APBB2: variants seen among roughly 807,000 people sequenced by gnomAD.
APBB2 encodes the protein amyloid beta precursor protein binding family B member 2.
APBB2 carries 38 observed loss-of-function variants against 82.5 expected under a neutral mutation model. The observed-to-expected ratio is 0.46, with a 90% CI of 0.36 to 0.60. The LOEUF is 0.60. Among genes scored for constraint, APBB2 ranks in the 20% least tolerant of loss-of-function variants. The probability of loss-of-function intolerance (pLI) is 0.00; values close to 1 mark genes in which losing one functional copy is unlikely to be tolerated. For synonymous variants in APBB2, 341 were observed against 368.2 expected, an observed-to-expected ratio of 0.93 and a Z score of 0.85; for missense variants, 772 against 972.3, an observed-to-expected ratio of 0.79 and a Z score of 2.74.
intron 12 of APBB2, among the ~76,000 whole-genome samples, chr4:40,871,440 C>T (rs1052677636): frequency 3.3e-5 from 5 of 152,358 alleles, no homozygotes; most frequent in African/African-American, 9.6e-5. Flanking sequence ...CCACCGCACC[C>T]GGCCTCAACT....
At chr4:40,959,786 TA>T (rs1792591807) in intron 6 of APBB2, among the ~76,000 whole-genome samples, 1 of 152,214 alleles carries the variant, frequency 6.6e-6, no homozygotes, top group Admixed American at 6.5e-5. Flanking sequence ...TTATTTCTGA[TA>T]TAAGAACTAT....
intron 3 of APBB2, among the ~76,000 whole-genome samples, chr4:41,067,675 A>C (rs79375986): frequency 0.021 from 3,173 of 152,288 alleles, 65 homozygotes; most frequent in African/African-American, 0.048. Flanking sequence ...CTTTTGAAGA[A>C]GACCCAGGAA....
intron 2 of APBB2, among the ~76,000 whole-genome samples, chr4:41,120,852 C>A (rs1752605179): frequency 6.6e-6 from 1 of 152,190 alleles, no homozygotes; most frequent in Non-Finnish European, 1.5e-5. Flanking sequence ...AGTGAAAAGT[C>A]AAATATTTTT....
intron 5 of APBB2, among the ~76,000 whole-genome samples, chr4:41,016,487 C>A (rs1173881429): frequency 6.6e-6 from 1 of 152,010 alleles, no homozygotes; most frequent in Non-Finnish European, 1.5e-5. Flanking sequence ...CATGGAGAAA[C>A]CCTGTCTCTA....
intron 12 of APBB2, among the ~76,000 whole-genome samples, chr4:40,867,979 A>G (rs1003535418): frequency 1.3e-5 from 2 of 150,994 alleles, no homozygotes; most frequent in African/African-American, 4.9e-5. Context: ...GGGGCTCTAA[A>G]TTTTCAGCCT....
chr4:41,146,513 AAAACAATAC>A (rs1760800801), intron 1 of APBB2, among the ~76,000 whole-genome samples: 1 of 152,116 alleles, frequency 6.6e-6, no homozygotes, highest in Non-Finnish European at 1.5e-5. Context: ...AGAAATAAAG[AAAACAATAC>A]AGTCACTAAT....
At chr4:40,953,155 A>G (rs1790665942) in intron 6 of APBB2, among the ~76,000 whole-genome samples, 1 of 151,828 alleles carries the variant, frequency 6.6e-6, no homozygotes, top group Non-Finnish European at 1.5e-5. Context: ...AAAATTAGCC[A>G]GGCGTGGTGG....
At chr4:41,125,179 A>G (rs1754017354) in intron 2 of APBB2, among the ~76,000 whole-genome samples, 1 of 152,274 alleles carries the variant, frequency 6.6e-6, no homozygotes, top group African/African-American at 2.4e-5. Context: ...AGGATGGCAT[A>G]GCCAAAAGCA....
chr4:40,915,269 C>A (rs768556647), intron 10 of APBB2, among the ~76,000 whole-genome samples: 140 of 152,064 alleles, frequency 9.2e-4, no homozygotes, highest in Non-Finnish European at 1.9e-3. Context: ...TTACTTAAAG[C>A]TGCTACTCCT....
intron 5 of APBB2, among the ~76,000 whole-genome samples, chr4:41,018,922 T>A (rs898900035): frequency 2.6e-5 from 4 of 152,130 alleles, no homozygotes; most frequent in Non-Finnish European, 4.4e-5. Context: ...GACTTAGGTA[T>A]GGGGGTGAAA....
intron 6 of APBB2, among the ~76,000 whole-genome samples, chr4:40,968,086 C>G (rs1393038873): frequency 6.6e-6 from 1 of 152,174 alleles, no homozygotes; most frequent in Non-Finnish European, 1.5e-5. Flanking sequence ...TGACAGTGTG[C>G]CAGGCACTGT....
At chr4:40,912,433 T>A (rs1323573136) in intron 10 of APBB2, among the ~76,000 whole-genome samples, 1 of 152,020 alleles carries the variant, frequency 6.6e-6, no homozygotes, top group Admixed American at 6.6e-5. Flanking sequence ...AAAAATCAGC[T>A]GGGTGTGGTG....
At chr4:40,898,655 C>T (rs73148582) in intron 10 of APBB2, among the ~76,000 whole-genome samples, 3,375 of 152,064 alleles carry the variant, frequency 0.022, 109 homozygotes, top group African/African-American at 0.077. Flanking sequence ...AAAGCCAGCA[C>T]GTGGAGATGT....
At chr4:40,992,059 A>C (rs1802256951) in intron 6 of APBB2, among the ~76,000 whole-genome samples, 1 of 152,158 alleles carries the variant, frequency 6.6e-6, no homozygotes, top group African/African-American at 2.4e-5. Context: ...TTAAGGCTAA[A>C]AATACTACAG....
rs1749769013 is a variant in APBB2 at position 40,825,924 on chromosome 4, C to T, written c.1779G>A (p.Val593=). 3 of 1,614,168 alleles carry T rather than the reference C, an allele frequency of 1.9e-6. No individual in the cohort carries two copies. Among genetic ancestry groups the T allele is most frequent in the East Asian group, 2.2e-5 (1 of 44,884 alleles). Residue 593 remains valine, a synonymous_variant, in exon 15 of 18, where the codon GTG becomes GTA. Transcript: ENST00000508593. The part of the protein sequence containing the change: ...PKTELVQKFH[V]QYLGMLPVDK... ...CTACAGGTAACATGCCCAAGTACTGCACGTGGAACTTCTGGACCAGCTCAG... is the reference window on the plus strand; with the variant it reads ...CTACAGGTAACATGCCCAAGTACTGTACGTGGAACTTCTGGACCAGCTCAG...
intron 6 of APBB2, among the ~76,000 whole-genome samples, chr4:41,005,695 A>T (rs3733393): frequency 6.6e-6 from 1 of 152,192 alleles, no homozygotes; most frequent in African/African-American, 2.4e-5. Flanking sequence ...CAACTTGCCA[A>T]ACTAAGAACT....
intron 3 of APBB2, among the ~76,000 whole-genome samples, chr4:41,072,850 G>A (rs983085181): frequency 2.6e-5 from 4 of 152,202 alleles, no homozygotes; most frequent in African/African-American, 9.7e-5. Flanking sequence ...TGAAGAAAGG[G>A]AGGACTTTAC....
At chr4:40,868,268 C>G (rs779182475) in intron 12 of APBB2, among the ~76,000 whole-genome samples, 7 of 152,184 alleles carry the variant, frequency 4.6e-5, no homozygotes, top group Non-Finnish European at 1.0e-4. Flanking sequence ...ACCACTGAGG[C>G]TGGGGCAAAG....
At chr4:41,025,821 AT>A (rs201903137) in intron 5 of APBB2, among the ~76,000 whole-genome samples, 6,328 of 133,714 alleles carry the variant, frequency 0.047, 307 homozygotes, top group African/African-American at 0.13. Context: ...TGGAAGGCTG[AT>A]GGCCGGAGAA....
Sources: allele counts gnomAD v4.1 joint callset (sites outside exome capture counted in the v4.1 genomes callset), GRCh38; gene constraint gnomAD v4.1.1; transcripts MANE v1.5; gene names NCBI Gene and HGNC (gene_info 2026-07-23, HGNC 2026-07-21).